Variants in SPMIP4 observed in about 807,000 individuals in gnomAD.
The protein encoded by SPMIP4 is sperm microtubule inner protein 4.
the SPMIP4 span, among the ~76,000 whole-genome samples, chr7:25,146,146 C>G: frequency 2.0e-5 from 3 of 149,800 alleles, no homozygotes; most frequent in Non-Finnish European, 4.5e-5. Flanking sequence ...GGAATGAAGA[C>G]AGAGAGAGAG....
chr7:25,129,456 C>T, the SPMIP4 span, among the ~76,000 whole-genome samples: 1 of 152,152 alleles, frequency 6.6e-6, no homozygotes, highest in Non-Finnish European at 1.5e-5. Context: ...CTGCCCTGTC[C>T]CTTCCGCAAG....
chr7:25,158,098 G>A, the SPMIP4 span, among the ~76,000 whole-genome samples: 1 of 152,202 alleles, frequency 6.6e-6, no homozygotes, highest in Non-Finnish European at 1.5e-5. Flanking sequence ...GCCAGGCACT[G>A]TGGCTCACGC....
At chr7:25,158,675 G>A in the SPMIP4 span, 4 of 612,902 alleles carry the variant, frequency 6.5e-6, no homozygotes, top group Middle Eastern at 4.2e-4. Flanking sequence ...CAAGGTGGGC[G>A]GATCGCTTGA....
the SPMIP4 span, chr7:25,142,596 C>T: frequency 6.6e-7 from 1 of 1,504,608 alleles, no homozygotes; most frequent in African/African-American, 1.4e-5. Flanking sequence ...GTTAAATATT[C>T]CAATTTTGTT....
At chr7:25,159,671 A>G in the SPMIP4 span, among the ~76,000 whole-genome samples, 1 of 152,210 alleles carries the variant, frequency 6.6e-6, no homozygotes, top group African/African-American at 2.4e-5. Context: ...CCTGTAATGT[A>G]TTATAAACAC....
At chr7:25,131,194 C>A in the SPMIP4 span, among the ~76,000 whole-genome samples, 49 of 152,326 alleles carry the variant, frequency 3.2e-4, no homozygotes, top group African/African-American at 1.2e-3. The surrounding 1 kb of genome is among the most constrained non-coding windows in gnomAD (Gnocchi z 4.2). Flanking sequence ...TTATGAGAAT[C>A]TAATGCCTGA....
the SPMIP4 span, among the ~76,000 whole-genome samples, chr7:25,140,594 G>A: frequency 1.3e-5 from 2 of 151,314 alleles, no homozygotes; most frequent in Admixed American, 6.6e-5. Flanking sequence ...GAGCCACCAC[G>A]CCCGGCCCTC....
chr7:25,163,497 A>C, the SPMIP4 span, among the ~76,000 whole-genome samples: 1 of 152,210 alleles, frequency 6.6e-6, no homozygotes, highest in Non-Finnish European at 1.5e-5. This position sits in a 1 kb window ranked among gnomAD's most constrained non-coding sequence, Gnocchi z 4.4. Context: ...GGTAGATAAA[A>C]CGACCAGCTG....
chr7:25,142,389 A>G, the SPMIP4 span: 3 of 1,234,902 alleles, frequency 2.4e-6, no homozygotes, highest in Non-Finnish European at 3.4e-6. Flanking sequence ...CGACAGTTAT[A>G]TTACCCTTTA....
chr7:25,166,754 C>T, the SPMIP4 span, among the ~76,000 whole-genome samples: 8 of 151,362 alleles, frequency 5.3e-5, no homozygotes, highest in East Asian at 2.0e-4. Flanking sequence ...ATTAGCTGGG[C>T]GTGGTGGCAC....
At chr7:25,164,803 A>G in the SPMIP4 span, among the ~76,000 whole-genome samples, 2 of 152,138 alleles carry the variant, frequency 1.3e-5, no homozygotes, top group African/African-American at 4.8e-5. Context: ...CTGAGTCCCC[A>G]GAGTCCATTG....
the SPMIP4 span, among the ~76,000 whole-genome samples, chr7:25,139,704 C>T: frequency 3.9e-5 from 6 of 152,234 alleles, no homozygotes; most frequent in Admixed American, 2.0e-4. Flanking sequence ...AGCTCTTTGA[C>T]GTGCTTTGTT....
At chr7:25,132,292 G>A in the SPMIP4 span, among the ~76,000 whole-genome samples, 1 of 152,168 alleles carries the variant, frequency 6.6e-6, no homozygotes, top group African/African-American at 2.4e-5. This position sits in a 1 kb window ranked among gnomAD's most constrained non-coding sequence, Gnocchi z 5.0. Context: ...AAAGGTGGAA[G>A]GGGTCACCTT....
chr7:25,143,720 C>T, the SPMIP4 span, among the ~76,000 whole-genome samples: 2 of 151,538 alleles, frequency 1.3e-5, no homozygotes, highest in South Asian at 4.2e-4. Flanking sequence ...GCCTCCTGAA[C>T]AGCCTGGACT....
At chr7:25,151,619 G>A in the SPMIP4 span, 2 of 1,607,816 alleles carry the variant, frequency 1.2e-6, no homozygotes, top group Non-Finnish European at 1.7e-6. Context: ...CCTTGACCTG[G>A]CCAAGTCAGT....
the SPMIP4 span, chr7:25,151,729 G>T: frequency 1.0e-6 from 1 of 1,004,562 alleles, no homozygotes; most frequent in South Asian, 1.4e-5. Context: ...GTCTTTTAGA[G>T]GATTAATAGG....
chr7:25,154,714 AAAATAG>A, the SPMIP4 span, among the ~76,000 whole-genome samples: 1 of 152,212 alleles, frequency 6.6e-6, no homozygotes, highest in Non-Finnish European at 1.5e-5. Context: ...GAAAGAAATA[AAAATAG>A]AAAATAGAAG....
chr7:25,164,792 CCT>C, the SPMIP4 span, among the ~76,000 whole-genome samples: 43 of 152,284 alleles, frequency 2.8e-4, no homozygotes, highest in African/African-American at 8.2e-4. Context: ...CAACCTTCCC[CCT>C]GAGTCCCCAG....
the SPMIP4 span, among the ~76,000 whole-genome samples, chr7:25,173,116 G>C: frequency 1.3e-5 from 2 of 152,026 alleles, no homozygotes; most frequent in East Asian, 3.9e-4. This position sits in a 1 kb window ranked among gnomAD's most constrained non-coding sequence, Gnocchi z 4.4. Flanking sequence ...AGAGAGAAGG[G>C]GAGAGACAGG....
Sources: gnomAD v4.1 joint callset for allele counts (sites outside exome capture counted in the v4.1 genomes callset) on GRCh38, gnomAD v4.1.1 for gene constraint, Gnocchi (gnomAD v3.1) non-coding constraint, MANE v1.5 for transcripts, NCBI Gene and HGNC (gene_info 2026-07-23, HGNC 2026-07-21) for gene names.